The following ARFIP1 variants were observed in gnomAD, a reference collection of about 807,000 sequenced individuals.
ARFIP1 encodes the protein ARF interacting protein 1, also known as arfaptin-1.
In ARFIP1, 24 loss-of-function variants were observed where a neutral mutation model predicts 42.5. The observed-to-expected ratio is 0.57, with a 90% confidence interval of 0.41 to 0.80. The LOEUF is 0.80. ARFIP1 is among the 30% of genes least tolerant of loss of function. The probability of loss-of-function intolerance (pLI) is 0.00; values close to 1 mark genes in which losing one functional copy is unlikely to be tolerated. For missense variants in ARFIP1, 354 were observed against 434.0 expected (o/e 0.82, Z 1.64); for synonymous variants, 141 against 153.7 (o/e 0.92, Z 0.61).
At chr4:152,849,018 T>G (rs536264363) in intron 2 of ARFIP1, among the ~76,000 whole-genome samples, 12 of 152,326 alleles carry the variant, frequency 7.9e-5, no homozygotes, top group African/African-American at 2.6e-4. Context: ...GGCAAATGGT[T>G]TTCAAGGATT....
At chr4:152,873,961 A>G (rs1735110084) in intron 5 of ARFIP1, among the ~76,000 whole-genome samples, 1 of 151,934 alleles carries the variant, frequency 6.6e-6, no homozygotes. Context: ...GCTTTCTCAT[A>G]CTTCTGTAAC....
intron 3 of ARFIP1, among the ~76,000 whole-genome samples, chr4:152,867,303 G>A (rs545679061): frequency 6.6e-5 from 10 of 152,000 alleles, no homozygotes; most frequent in East Asian, 1.9e-4. Flanking sequence ...TGACCAGCCC[G>A]GCCAACACAG....
intron 3 of ARFIP1, among the ~76,000 whole-genome samples, chr4:152,869,876 A>C (rs1216832552): frequency 1.3e-5 from 2 of 152,204 alleles, no homozygotes; most frequent in African/African-American, 2.4e-5. Context: ...TCATTCAAAA[A>C]TTGTGTTGTT....
At chr4:152,896,767 C>T (rs1056529641) in intron 8 of ARFIP1, among the ~76,000 whole-genome samples, 2 of 151,644 alleles carry the variant, frequency 1.3e-5, no homozygotes, top group African/African-American at 4.8e-5. Context: ...AAAAAGTTAG[C>T]TAGAAAATGT....
intron 1 of ARFIP1, among the ~76,000 whole-genome samples, chr4:152,821,403 C>G (rs558722595): frequency 6.6e-6 from 1 of 152,166 alleles, no homozygotes; most frequent in South Asian, 2.1e-4. Flanking sequence ...TTTCAGAACT[C>G]AAAGACAAGA....
chr4:152,800,583 G>T (rs1261313852), intron 1 of ARFIP1, among the ~76,000 whole-genome samples: 1 of 152,110 alleles, frequency 6.6e-6, no homozygotes, highest in Non-Finnish European at 1.5e-5. Flanking sequence ...AAAAAGCAAA[G>T]AAATTGCATT....
chr4:152,837,773 T>C (rs950553615), intron 2 of ARFIP1, among the ~76,000 whole-genome samples: 3 of 152,200 alleles, frequency 2.0e-5, no homozygotes, highest in Non-Finnish European at 4.4e-5. Context: ...AAAAGCTCTT[T>C]AGTTTAATTA....
chr4:152,789,656 GTTTA>G (rs1266822833), intron 1 of ARFIP1, among the ~76,000 whole-genome samples: 2 of 152,002 alleles, frequency 1.3e-5, no homozygotes, highest in Non-Finnish European at 2.9e-5. Context: ...CCTTTCAGTC[GTTTA>G]TTTATATCAG....
At chr4:152,900,377 C>T (rs1482671059) in intron 8 of ARFIP1, among the ~76,000 whole-genome samples, 1 of 152,160 alleles carries the variant, frequency 6.6e-6, no homozygotes, top group Non-Finnish European at 1.5e-5. Context: ...ATTTTCTTCT[C>T]TTCAGAACTC....
intron 3 of ARFIP1, among the ~76,000 whole-genome samples, chr4:152,866,077 G>A (rs1484373333): frequency 2.0e-5 from 3 of 151,584 alleles, no homozygotes; most frequent in Admixed American, 6.6e-5. Context: ...GACTCTTAAC[G>A]AGCATGTTGC....
chr4:152,797,949 G>GAATAATA (rs1731569963), intron 1 of ARFIP1, among the ~76,000 whole-genome samples: 3 of 152,104 alleles, frequency 2.0e-5, no homozygotes, highest in Admixed American at 6.6e-5. Context: ...TAATACCGCT[G>GAATAATA]GTATGATGTT....
intron 1 of ARFIP1, among the ~76,000 whole-genome samples, chr4:152,813,654 C>T (rs1729645356): frequency 6.6e-6 from 1 of 152,136 alleles, no homozygotes; most frequent in Admixed American, 6.5e-5. Context: ...TGCACTGCTT[C>T]ACTTGAAATA....
chr4:152,796,975 C>G (rs1408846748), intron 1 of ARFIP1: 1 of 233,042 alleles, frequency 4.3e-6, no homozygotes, highest in Non-Finnish European at 8.1e-6. Context: ...TTTGCATGTA[C>G]TATGTGTGTT....
At chr4:152,789,802 C>T (rs1358886744) in intron 1 of ARFIP1, among the ~76,000 whole-genome samples, 1 of 152,162 alleles carries the variant, frequency 6.6e-6, no homozygotes, top group Non-Finnish European at 1.5e-5. Context: ...TTGACATACT[C>T]CTGTCATTGT....
At chr4:152,846,025 A>T (rs1423776090) in intron 2 of ARFIP1, among the ~76,000 whole-genome samples, 1 of 152,186 alleles carries the variant, frequency 6.6e-6, no homozygotes, top group East Asian at 1.9e-4. Flanking sequence ...AAAAAGAACA[A>T]CATTATGTCT....
intron 1 of ARFIP1, among the ~76,000 whole-genome samples, chr4:152,792,092 G>A (rs1192039412): frequency 6.6e-6 from 1 of 152,032 alleles, no homozygotes; most frequent in African/African-American, 2.4e-5. Flanking sequence ...CTGATCTCTG[G>A]AATATCAAGT....
chr4:152,845,689 CAAAA>C lies in ARFIP1; in HGVS notation c.93+15966_93+15969del, dbSNP rs771995337. ...GTCAGAATGGCTTTTATTAAAAAGA[CAAAA>C]AATAACATACTGGCAAGGCTGCAGA... On this transcript the variant is annotated intron_variant, in intron 2 of 8. Coordinates refer to ENST00000353617, the MANE Select transcript of ARFIP1 (RefSeq NM_001025595.3). Among the ~76,000 whole-genome samples, 120 of 152,056 alleles carry C rather than the reference CAAAA, an allele frequency of 7.9e-4. 1 individual carries two copies. Among genetic ancestry groups the C allele is most frequent in the Non-Finnish European group, 1.3e-3 (86 of 67,948 alleles).
intron 2 of ARFIP1, among the ~76,000 whole-genome samples, chr4:152,847,411 G>T (rs921035469): frequency 6.6e-6 from 1 of 151,922 alleles, no homozygotes; most frequent in Non-Finnish European, 1.5e-5. Context: ...GGGATTACAG[G>T]CATGAGCCAC....
chr4:152,815,077 C>G (rs1729761592), intron 1 of ARFIP1, among the ~76,000 whole-genome samples: 1 of 152,178 alleles, frequency 6.6e-6, no homozygotes, highest in Non-Finnish European at 1.5e-5. Context: ...CTCCTTCTAC[C>G]TTACATGCCA....
Sources: gnomAD v4.1 joint callset for allele counts (sites outside exome capture counted in the v4.1 genomes callset) on GRCh38, gnomAD v4.1.1 for gene constraint, MANE v1.5 for transcripts, NCBI Gene and HGNC (gene_info 2026-07-23, HGNC 2026-07-21) for gene names.